CDC42BPB: variants seen among roughly 807,000 people sequenced by gnomAD.
The protein encoded by CDC42BPB is CDC42 binding protein kinase beta.
CDC42BPB carries 37 observed loss-of-function variants against 214.9 expected under a neutral mutation model. That is an observed-to-expected ratio of 0.17 (90% CI 0.13 to 0.23). The LOEUF (loss-of-function observed/expected upper bound fraction) is 0.23. Ranked by LOEUF, CDC42BPB falls within the 10% of genes least tolerant of loss-of-function variation. The probability of loss-of-function intolerance (pLI) is 1.00; values close to 1 mark genes in which losing one functional copy is unlikely to be tolerated. For synonymous variants in CDC42BPB, 931 were observed against 884.0 expected (o/e 1.05, Z -0.94); for missense variants, 1,694 against 2,227.0 (o/e 0.76, Z 4.82).
intron 2 of CDC42BPB, among the ~76,000 whole-genome samples, chr14:103,010,079 A>G (rs1195072828): frequency 6.6e-6 from 1 of 152,202 alleles, no homozygotes; most frequent in Non-Finnish European, 1.5e-5. Context: ...TGAGCCCAGG[A>G]GTTCAAGATC....
In CDC42BPB at chr14:103,057,518, G is replaced by T. The variant is rs1015120105; in HGVS notation, c.-345C>A. On this transcript the variant is annotated 5_prime_UTR_variant, in exon 1 of 37. Transcript: ENST00000361246. ...CAGACTAGGAGCGGCGAGGAGCCTAGCGCTGCGCAAGCCCGGCCGGCGCCC... is the reference window on the plus strand; with the variant it reads ...CAGACTAGGAGCGGCGAGGAGCCTATCGCTGCGCAAGCCCGGCCGGCGCCC... 3.1e-5 allele frequency: 5 copies of T among 162,414 alleles called. No homozygotes were observed. The highest frequency in any genetic ancestry group is 1.7e-4 in the South Asian group (1 of 5,942). The allele number at this position is 162,414 out of a possible 1,614,324, so 10.1% of individuals were successfully genotyped here.
intron 8 of CDC42BPB, among the ~76,000 whole-genome samples, chr14:102,980,426 G>A (rs1415659411): frequency 6.6e-6 from 1 of 152,134 alleles, no homozygotes. Context: ...CAGGGAGTCA[G>A]AGGTTGCAGT....
At chr14:103,008,114 T>C (rs34446837) in intron 3 of CDC42BPB, among the ~76,000 whole-genome samples, 278 of 152,342 alleles carry the variant, frequency 1.8e-3, no homozygotes, top group African/African-American at 6.5e-3. Flanking sequence ...TAAAGACCTA[T>C]TCTGTATGTG....
chr14:103,006,411 G>A (rs1885822651), intron 3 of CDC42BPB, among the ~76,000 whole-genome samples: 1 of 152,220 alleles, frequency 6.6e-6, no homozygotes, highest in African/African-American at 2.4e-5. Context: ...GAGCATTTAG[G>A]AAAAACCCAT....
At chr14:103,049,326 A>G (rs1015698035) in intron 1 of CDC42BPB, among the ~76,000 whole-genome samples, 7 of 152,222 alleles carry the variant, frequency 4.6e-5, no homozygotes, top group Admixed American at 3.3e-4. Context: ...ACCGTCTCAG[A>G]TGGTGGCCTG....
intron 1 of CDC42BPB, among the ~76,000 whole-genome samples, chr14:103,020,019 G>C (rs774869906): frequency 6.6e-6 from 1 of 152,220 alleles, no homozygotes; most frequent in South Asian, 2.1e-4. Context: ...CAGGGTGGGA[G>C]GGTCTGAGGA....
chr14:103,031,990 A>T (rs78341583), intron 1 of CDC42BPB, among the ~76,000 whole-genome samples: 44,812 of 131,082 alleles, frequency 0.34, 7,599 homozygotes, highest in East Asian at 0.42. Flanking sequence ...TATTATTATT[A>T]TTTTTTTTTT....
intron 34 of CDC42BPB, 30 bp from the exon 35 acceptor site, chr14:102,938,441 C>G (rs1459734195): frequency 6.0e-6 from 9 of 1,512,344 alleles, no homozygotes; most frequent in Non-Finnish European, 7.9e-6. Flanking sequence ...CGTGAGCATG[C>G]TTGGTTGACA....
intron 34 of CDC42BPB, 62 bp downstream of exon 34, chr14:102,939,548 C>G: frequency 1.7e-6 from 2 of 1,209,796 alleles, no homozygotes; most frequent in Non-Finnish European, 2.5e-6. Flanking sequence ...GCCAGCATGG[C>G]TGCCTGAGCG....
intron 1 of CDC42BPB, among the ~76,000 whole-genome samples, chr14:103,052,414 G>A (rs1200733653): frequency 6.6e-6 from 1 of 152,154 alleles, no homozygotes; most frequent in Non-Finnish European, 1.5e-5. Flanking sequence ...TTTGAGCCGG[G>A]CACAGTGGCT....
chr14:102,986,897 G>C (rs1386084125), intron 5 of CDC42BPB: 1 of 173,072 alleles, frequency 5.8e-6, no homozygotes, highest in Non-Finnish European at 1.1e-5. Flanking sequence ...ACCCACCTAT[G>C]CACGTGACAA....
intron 8 of CDC42BPB, among the ~76,000 whole-genome samples, chr14:102,979,135 A>G (rs1239931118): frequency 5.9e-5 from 9 of 152,124 alleles, no homozygotes; most frequent in African/African-American, 2.2e-4. Flanking sequence ...CATTTTCTCC[A>G]TGTGGTCTGA....
At chr14:102,940,748 GT>G (rs1211126098) in intron 30 of CDC42BPB, 1 of 241,676 alleles carries the variant, frequency 4.1e-6, no homozygotes, top group Admixed American at 4.9e-5. Context: ...CGGTTTCCAG[GT>G]AGGTATTAAA....
rs577687328 is a variant in CDC42BPB, at chr14:103,019,734, G to T, written c.176-7546C>A. Among the ~76,000 whole-genome samples, 11 of 152,314 alleles carry T rather than the reference G, an allele frequency of 7.2e-5. No homozygotes were observed. The South Asian group carries it at 2.3e-3, about 32-fold the overall frequency. On this transcript the variant is annotated intron_variant, in intron 1 of 36. Coordinates refer to ENST00000361246, the MANE Select transcript of CDC42BPB (RefSeq NM_006035.4). ...TTTAGACAGCTTAACTTTTACTGGA[G>T]AAATTTTCTCCTCATCAATCTCTTC...
chr14:103,039,335 GAATC>G (rs1887853323), intron 1 of CDC42BPB, among the ~76,000 whole-genome samples: 1 of 116,088 alleles, frequency 8.6e-6, no homozygotes, highest in African/African-American at 3.3e-5. Context: ...AAGAAAACTA[GAATC>G]AATTACCTTT....
In CDC42BPB at chr14:102,933,686, C is replaced by G. The variant is rs201614344; in HGVS notation, c.*26G>C. 121 of 1,433,616 alleles carry G rather than the reference C, an allele frequency of 8.4e-5. No homozygotes were observed. Among genetic ancestry groups the G allele is most frequent in the Middle Eastern group, 1.9e-4 (1 of 5,254 alleles). The allele number at this position is 1,433,616 out of a possible 1,614,324, so 88.8% of individuals were successfully genotyped here. Reference sequence around the variant, plus strand: ...GACGCTGGAGGCCATCTCCAGCTCCCTGGCCCCTGTGGCGAGCTGGCGGCT... The same window carrying G: ...GACGCTGGAGGCCATCTCCAGCTCCGTGGCCCCTGTGGCGAGCTGGCGGCT... On this transcript the variant is annotated 3_prime_UTR_variant, in exon 37 of 37. Coordinates refer to ENST00000361246, the MANE Select transcript of CDC42BPB (RefSeq NM_006035.4).
In CDC42BPB at chr14:103,036,856, G is replaced by A. The variant is rs35940210; in HGVS notation, c.175+20143C>T. On this transcript the variant is annotated intron_variant, in intron 1 of 36. Transcript: ENST00000361246. ...TACTGAGATAATGTCTGGCTCTGTC[G>A]CCCAGGCTGCAGTACAGTGGCACAA... Among the ~76,000 whole-genome samples, 80 of 151,978 alleles carry A rather than the reference G, an allele frequency of 5.3e-4. 1 individual carries two copies. The East Asian group carries it at 0.01, about 19-fold the overall frequency.
At chr14:102,987,790 C>CACAG (rs1894314012) in intron 5 of CDC42BPB, among the ~76,000 whole-genome samples, 1 of 135,492 alleles carries the variant, frequency 7.4e-6, no homozygotes, top group African/African-American at 3.5e-5. Context: ...AACACACAAA[C>CACAG]ACACACACAC....
intron 1 of CDC42BPB, among the ~76,000 whole-genome samples, chr14:103,021,016 C>A (rs1013250752): frequency 9.2e-5 from 14 of 152,226 alleles, no homozygotes; most frequent in African/African-American, 2.7e-4. Flanking sequence ...GCCCTCTTAA[C>A]CCCAAATACA....
Sources: gnomAD v4.1 joint callset for allele counts (sites outside exome capture counted in the v4.1 genomes callset) on GRCh38, gnomAD v4.1.1 for gene constraint, MANE v1.5 for transcripts, NCBI Gene and HGNC (gene_info 2026-07-23, HGNC 2026-07-21) for gene names.